The following TMCC1 variants were observed in gnomAD, a reference collection of about 807,000 sequenced individuals.
The protein encoded by TMCC1 is transmembrane and coiled-coil domains protein 1.
In TMCC1, 15 loss-of-function variants were observed where a neutral mutation model predicts 52.4. That is an observed-to-expected ratio of 0.29 (90% CI 0.19 to 0.44). TMCC1 has a LOEUF of 0.44. TMCC1 is among the 20% of genes least tolerant of loss of function. The pLI is 1.00. For synonymous variants in TMCC1, 279 were observed against 301.9 expected (o/e 0.92, Z 0.79); for missense variants, 503 against 806.0 (o/e 0.62, Z 4.55).
At chr3:129,795,804 C>A (rs2811334) in intron 4 of TMCC1, among the ~76,000 whole-genome samples, 150,146 of 152,306 alleles carry the variant, frequency 0.99, 74,046 homozygotes, top group East Asian at 1. Flanking sequence ...TTTGTCCAGC[C>A]TATCCAGCCC....
chr3:129,836,332 T>G (rs766209116), intron 2 of TMCC1, among the ~76,000 whole-genome samples: 3 of 152,102 alleles, frequency 2.0e-5, no homozygotes, highest in Non-Finnish European at 4.4e-5. Context: ...AAATATAGAT[T>G]TGAATAGCAT....
intron 4 of TMCC1, among the ~76,000 whole-genome samples, chr3:129,705,257 G>A (rs919462222): frequency 5.3e-5 from 8 of 152,180 alleles, no homozygotes; most frequent in African/African-American, 1.2e-4. Flanking sequence ...TATGCCTGGA[G>A]ACTCTGGTCT....
chr3:129,790,059 G>C (rs1171214772), intron 4 of TMCC1, among the ~76,000 whole-genome samples: 2 of 152,254 alleles, frequency 1.3e-5, no homozygotes, highest in East Asian at 1.9e-4. Flanking sequence ...GACAGCAAAA[G>C]AAAGCTCTCA....
chr3:129,648,680 GTTTTC>G lies in TMCC1; in HGVS notation c.*2796_*2800del, dbSNP rs1403963006. 5 of 102,330 alleles carry G rather than the reference GTTTTC, an allele frequency of 4.9e-5. No individual in the cohort carries two copies. The highest frequency in any genetic ancestry group is 7.4e-5 in the Non-Finnish European group (3 of 40,510). 6.3% of individuals were successfully genotyped at this position (102,330 alleles called of 1,614,324 possible). A position where few individuals can be genotyped will look rare whatever the true frequency, so the allele number is the denominator to read the frequency against. On this transcript the variant is annotated 3_prime_UTR_variant, in exon 7 of 7. Transcript: ENST00000393238. ...TTTCATTTTAAAGGGAATGAATACA[GTTTTC>G]TTTTCTTTTTTTTTTAGAGGAGCAT...
Position 129,651,625 on chromosome 3 carries a change from A to G in TMCC1, c.1818T>C (p.Thr606=), listed in dbSNP as rs909587350. Residue 606 remains threonine (T), a synonymous_variant, in exon 7 of 7, where the codon ACT becomes ACC. Transcript: ENST00000393238. The surrounding 1 kb of genome is among the most constrained non-coding windows in gnomAD (Gnocchi z 5.1). ...VMAVLLVFVS[T]VANCVVPLMK... is the part of the protein sequence containing the mutation. ...TGAGGGGGACCACACAGTTGGCTAC[A>G]GTGGAGACAAAGACCAAAAGGACTG... 1 of 1,614,258 alleles carries G rather than the reference A, an allele frequency of 6.2e-7. No individual in the cohort carries two copies. Among genetic ancestry groups the G allele is most frequent in the Admixed American group, 1.7e-5 (1 of 60,036 alleles).
chr3:129,676,036 C>CAAA (rs61105005), intron 4 of TMCC1, among the ~76,000 whole-genome samples: 2,097 of 46,254 alleles, frequency 0.045, 213 homozygotes, highest in African/African-American at 0.16. Context: ...GACTCTGTCT[C>CAAA]AAAAAAAAAA....
At chr3:129,730,610 CT>C (rs1238667797) in intron 4 of TMCC1, among the ~76,000 whole-genome samples, 1 of 152,150 alleles carries the variant, frequency 6.6e-6, no homozygotes, top group Non-Finnish European at 1.5e-5. Context: ...CTTTATTTTT[CT>C]TTTCCAGTAT....
Position 129,650,646 on chromosome 3 carries a change from T to TA in TMCC1, c.*834dup, listed in dbSNP as rs1451751321. The TA allele has an allele frequency of 6.6e-6, 1 of 152,466 alleles. No individual in the cohort carries two copies. The highest frequency in any genetic ancestry group is 1.5e-5 in the Non-Finnish European group (1 of 67,996). 9.4% of individuals were successfully genotyped at this position (152,466 alleles called of 1,614,324 possible). The stretch of plus-strand genomic sequence containing the variant: ...AACCCAATAATAATAATAACAATAA[T>TA]AAAAAATCCTATTAGAAACCATAAG... On this transcript the variant is annotated 3_prime_UTR_variant, in exon 7 of 7. Coordinates refer to ENST00000393238, the MANE Select transcript of TMCC1 (RefSeq NM_001017395.5).
intron 4 of TMCC1, among the ~76,000 whole-genome samples, chr3:129,679,362 G>A (rs747230392): frequency 6.6e-6 from 1 of 152,134 alleles, no homozygotes; most frequent in Non-Finnish European, 1.5e-5. Flanking sequence ...CTGGAGTGCA[G>A]TGGCACAATC....
chr3:129,674,547 G>A (rs1252769211), intron 4 of TMCC1, among the ~76,000 whole-genome samples: 3 of 152,214 alleles, frequency 2.0e-5, no homozygotes, highest in African/African-American at 7.2e-5. Context: ...AAGGGAAGGA[G>A]AGAGGAAAAA....
At chr3:129,845,871 A>G (rs1277558636) in intron 2 of TMCC1, among the ~76,000 whole-genome samples, 4 of 152,070 alleles carry the variant, frequency 2.6e-5, no homozygotes, top group Non-Finnish European at 1.5e-5. Context: ...GTCTCTACAA[A>G]AAAAAATTTT....
rs1293492641 is a variant in TMCC1 at position 129,822,772 on chromosome 3, A to G, written c.576+5031T>C. ...AGGTTTTTAACATCTCTGGACCTGTAAAATCAGGAGTTTGATTAGAATTAA... is the reference window on the plus strand; with the variant it reads ...AGGTTTTTAACATCTCTGGACCTGTGAAATCAGGAGTTTGATTAGAATTAA... On this transcript the variant is annotated intron_variant, in intron 4 of 6. Coordinates refer to ENST00000393238, the MANE Select transcript of TMCC1 (RefSeq NM_001017395.5). Among the ~76,000 whole-genome samples, 3 of 152,194 alleles carry G rather than the reference A, an allele frequency of 2.0e-5. No individual in the cohort carries two copies. In the South Asian group the frequency reaches 6.2e-4, roughly 31 times the overall value.
At chr3:129,815,511 C>T (rs780158043) in intron 4 of TMCC1, among the ~76,000 whole-genome samples, 1 of 152,136 alleles carries the variant, frequency 6.6e-6, no homozygotes, top group Non-Finnish European at 1.5e-5. Context: ...AGAACAGTCT[C>T]TTTAATAAAT....
rs1560352736 is a variant in TMCC1, at chr3:129,760,435, T to TG, written c.576+67367_576+67368insC. Among the ~76,000 whole-genome samples, 1,026 of 135,204 alleles carry TG rather than the reference T, an allele frequency of 7.6e-3. 11 individuals carry two copies. The highest frequency in any genetic ancestry group is 0.063 in the East Asian group (245 of 3,900). 88.7% of individuals were successfully genotyped at this position (135,204 alleles called of 152,430 possible). A position where few individuals can be genotyped will look rare whatever the true frequency, so the allele number is the denominator to read the frequency against. On this transcript the variant is annotated intron_variant, in intron 4 of 6. Transcript: ENST00000393238. ...GTGTGTGTGTGTGTGTGTGTGTGTG[T>TG]TTTTGAGACAGTCTCGCTCTGTGTG...
chr3:129,841,652 T>C (rs1365919675), intron 2 of TMCC1, among the ~76,000 whole-genome samples: 2 of 152,158 alleles, frequency 1.3e-5, no homozygotes, highest in Non-Finnish European at 1.5e-5. Context: ...TAGTCTGAAA[T>C]TGGAACTTAT....
At chr3:129,865,098 C>G (rs896340502) in intron 2 of TMCC1, among the ~76,000 whole-genome samples, 15 of 152,258 alleles carry the variant, frequency 9.9e-5, no homozygotes, top group Admixed American at 8.5e-4. Context: ...CCCAGAGGAA[C>G]AGCATCTATC....
At chr3:129,804,264 C>T (rs1218214148) in intron 4 of TMCC1, among the ~76,000 whole-genome samples, 3 of 152,246 alleles carry the variant, frequency 2.0e-5, no homozygotes, top group South Asian at 2.1e-4. Context: ...AAGTCTAACT[C>T]GCCTGATGGA....
chr3:129,774,723 A>C (rs2054884840), intron 4 of TMCC1, among the ~76,000 whole-genome samples: 2 of 152,206 alleles, frequency 1.3e-5, no homozygotes, highest in Admixed American at 1.3e-4. Context: ...GGAAGTGAGA[A>C]TAGGCAATGG....
At chr3:129,752,929 C>T (rs970607468) in intron 4 of TMCC1, among the ~76,000 whole-genome samples, 5 of 152,110 alleles carry the variant, frequency 3.3e-5, no homozygotes, top group African/African-American at 1.2e-4. Flanking sequence ...GCAGGCACAT[C>T]TTCACATGGC....
Sources: allele counts gnomAD v4.1 joint callset (sites outside exome capture counted in the v4.1 genomes callset), GRCh38; gene constraint gnomAD v4.1.1; non-coding constraint Gnocchi (gnomAD v3.1); transcripts MANE v1.5; gene names NCBI Gene and HGNC (gene_info 2026-07-23, HGNC 2026-07-21).